CAAP1: variants seen among roughly 807,000 people sequenced by gnomAD.
The protein encoded by CAAP1 is caspase activity and apoptosis inhibitor 1.
A neutral mutation model predicts 34.0 loss-of-function variants in CAAP1; 20 were observed. The ratio of observed to expected loss-of-function variants is 0.59; its 90% CI spans 0.41 to 0.86. The LOEUF is 0.86. CAAP1 is among the 40% of genes least tolerant of loss of function. The pLI is 0.00. For synonymous variants in CAAP1, 213 were observed against 166.7 expected (o/e 1.28, Z -2.14); for missense variants, 538 against 450.5 (o/e 1.19, Z -1.76).
Position 26,842,049 on chromosome 9 carries a change from A to C in CAAP1, c.*252T>G, listed in dbSNP as rs898823238. On this transcript the variant is annotated 3_prime_UTR_variant, in exon 6 of 6. Transcript: ENST00000333916. ...TTTTAAGATTTGCAGACACAGCTAA[A>C]TACTCATCTAACAAAGTATCCAGGC... is the stretch of plus-strand genomic sequence containing the variant. The C allele has an allele frequency of 3.0e-6, 1 of 335,898 alleles. No homozygotes were observed. Among genetic ancestry groups the C allele is most frequent in the Non-Finnish European group, 5.4e-6 (1 of 186,212 alleles). 20.8% of individuals were successfully genotyped at this position (335,898 alleles called of 1,614,324 possible). A position where few individuals can be genotyped will look rare whatever the true frequency, so the allele number is the denominator to read the frequency against.
rs181690512 is a variant in CAAP1 at position 26,851,998 on chromosome 9, A to G, written c.739+9068T>C. On this transcript the variant is annotated intron_variant, in intron 5 of 5. Transcript: ENST00000333916. ...GTTTAAATATAAATATAAGCTCAGA[A>G]AGAGATACTAGAGACTTGATTCTAA... Among the ~76,000 whole-genome samples, 3 of 152,276 alleles carry G rather than the reference A, an allele frequency of 2.0e-5. No homozygotes were observed. The East Asian group carries it at 5.8e-4, about 29-fold the overall frequency.
In CAAP1 at chr9:26,884,899, G is replaced by A. The variant is rs369337140; in HGVS notation, c.590-14C>T. ...TTCCATTGTCACCTTATAAATGAAA[G>A]AAACTATTGAAAGCACACTTATAAA... On this transcript the variant is annotated splice_polypyrimidine_tract_variant and intron_variant, in intron 3 of 5. Coordinates refer to ENST00000333916, the MANE Select transcript of CAAP1 (RefSeq NM_024828.4). 159 of 1,548,140 alleles carry A rather than the reference G, an allele frequency of 1.0e-4. No homozygotes were observed. Among genetic ancestry groups the A allele is most frequent in the Non-Finnish European group, 1.3e-4 (150 of 1,128,794 alleles).
At chr9:26,881,341 T>G (rs1007684438) in intron 4 of CAAP1, among the ~76,000 whole-genome samples, 5 of 152,244 alleles carry the variant, frequency 3.3e-5, no homozygotes, top group African/African-American at 1.2e-4. Context: ...ATACTTTTGC[T>G]GTGTCCCCAC....
At chr9:26,858,907 A>C (rs1381338216) in intron 5 of CAAP1, among the ~76,000 whole-genome samples, 2 of 136,834 alleles carry the variant, frequency 1.5e-5, no homozygotes, top group Admixed American at 1.5e-4. Context: ...CTGAGGCAGG[A>C]GAATGGTGTG....
chr9:26,840,987 G>GA lies in CAAP1; in HGVS notation c.*1313dup, dbSNP rs529212978. On this transcript the variant is annotated 3_prime_UTR_variant, in exon 6 of 6. Transcript: ENST00000333916. ...TTTATTAGAAAGATTTATGGAGGGGGAAAAAATGGTAGAATTATTCCAAGG... is the reference window on the plus strand; with the variant it reads ...TTTATTAGAAAGATTTATGGAGGGGGAAAAAAATGGTAGAATTATTCCAAGG... 6.6e-6 allele frequency: 1 copy of GA among 151,982 alleles called. No individual in the cohort carries two copies. The highest frequency in any genetic ancestry group is 2.4e-5 in the African/African-American group (1 of 41,408). The allele number at this position is 151,982 out of a possible 1,614,324, so 9.4% of individuals were successfully genotyped here.
chr9:26,887,288 TC>T (rs778323998), intron 2 of CAAP1, 24 bp downstream of exon 2: 2 of 1,422,538 alleles, frequency 1.4e-6, no homozygotes, highest in Admixed American at 4.9e-5. Context: ...TACATATGTA[TC>T]TAGTCTGATG....
At chr9:26,892,390 C>T (rs1394121552) in intron 1 of CAAP1, 23 bp downstream of exon 1, 4 of 1,602,730 alleles carry the variant, frequency 2.5e-6, no homozygotes, top group Non-Finnish European at 3.4e-6. Context: ...CTCCAGGAAG[C>T]GGCCAGAGGG....
chr9:26,870,832 G>A (rs1482943097), intron 4 of CAAP1, among the ~76,000 whole-genome samples: 1 of 151,878 alleles, frequency 6.6e-6, no homozygotes, highest in Non-Finnish European at 1.5e-5. Flanking sequence ...AGCTGGGGTG[G>A]TCTCAAACTC....
chr9:26,871,792 G>A (rs752014074), intron 4 of CAAP1, among the ~76,000 whole-genome samples: 2 of 150,572 alleles, frequency 1.3e-5, no homozygotes, highest in Non-Finnish European at 3.0e-5. Context: ...GCAGGGCGGC[G>A]GGTGCCAACT....
intron 4 of CAAP1, among the ~76,000 whole-genome samples, chr9:26,869,105 A>T (rs1823210995): frequency 6.6e-6 from 1 of 152,132 alleles, no homozygotes. Context: ...AACTATAATA[A>T]TTGTTAGATC....
chr9:26,884,685 TC>T lies in CAAP1; in HGVS notation c.665+124del, dbSNP rs940187406. 337 of 750,246 alleles carry T rather than the reference TC, an allele frequency of 4.5e-4. 6 individuals are homozygous for T. In the African/African-American group the frequency reaches 5.5e-3, roughly 12 times the overall value. 46.5% of individuals were successfully genotyped at this position (750,246 alleles called of 1,614,324 possible). On this transcript the variant is annotated intron_variant, in intron 4 of 5. Transcript: ENST00000333916. ...CAATCATTACAAGTAGACAAATAAA[TC>T]TTTCTATACCACTGAATGATTTTAT...
At chr9:26,886,209 A>C (rs775851401) in intron 2 of CAAP1, 21 bp from the exon 3 acceptor site, 16 of 1,300,624 alleles carry the variant, frequency 1.2e-5, no homozygotes, top group Admixed American at 2.7e-5. Context: ...TGACATTTTA[A>C]AAAAATGCAT....
chr9:26,869,362 C>T (rs1474695538), intron 4 of CAAP1, among the ~76,000 whole-genome samples: 1 of 151,984 alleles, frequency 6.6e-6, no homozygotes, highest in Non-Finnish European at 1.5e-5. Context: ...AAATTAAAAA[C>T]ACATCTTTAA....
intron 4 of CAAP1, among the ~76,000 whole-genome samples, chr9:26,883,731 T>A (rs1267814325): frequency 6.6e-6 from 1 of 152,126 alleles, no homozygotes; most frequent in Admixed American, 6.5e-5. Flanking sequence ...AGAAATTTTT[T>A]AAAAAAGAAA....
At chr9:26,849,069 T>C (rs999682988) in intron 5 of CAAP1, among the ~76,000 whole-genome samples, 40 of 152,276 alleles carry the variant, frequency 2.6e-4, no homozygotes, top group African/African-American at 8.7e-4. Flanking sequence ...ATGAATCAAG[T>C]CGGTAGGACT....
chr9:26,847,278 G>A lies in CAAP1; in HGVS notation c.740-4631C>T, dbSNP rs1416180144. ...CACCCAGGCTGGAGTGCAGTGGCGC[G>A]ATCTCGGCTCACTGCAAGCTCCACC... is the stretch of plus-strand genomic sequence containing the variant. On this transcript the variant is annotated intron_variant, in intron 5 of 5. Coordinates refer to ENST00000333916, the MANE Select transcript of CAAP1 (RefSeq NM_024828.4). 2.4e-5 allele frequency among the ~76,000 whole-genome samples: 3 copies of A among 125,366 alleles called. No homozygotes were observed. In the East Asian group the frequency reaches 8.0e-4, roughly 33 times the overall value. The allele number at this position is 125,366 out of a possible 152,430, so 82.2% of individuals were successfully genotyped here.
At chr9:26,864,251 T>C (rs12351014) in intron 4 of CAAP1, among the ~76,000 whole-genome samples, 6,517 of 152,240 alleles carry the variant, frequency 0.043, 475 homozygotes, top group African/African-American at 0.15. Flanking sequence ...TCCTTTCTTA[T>C]AGTTCAATGA....
rs960077864 is a variant in CAAP1, at chr9:26,880,104, G to T, written c.665+4706C>A. On this transcript the variant is annotated intron_variant, in intron 4 of 5. Coordinates refer to ENST00000333916, the MANE Select transcript of CAAP1 (RefSeq NM_024828.4). ...AATAGGAAAAAAATCCGGGGGGGGG[G>T]GGTCTCTTTTAGAGAATGTAATGTT... 4.0e-4 allele frequency: 69 copies of T among 174,392 alleles called. 4 individuals carry two copies. In the Middle Eastern group the frequency reaches 7.8e-3, roughly 20 times the overall value. 10.8% of individuals were successfully genotyped at this position (174,392 alleles called of 1,614,324 possible). A position where few individuals can be genotyped will look rare whatever the true frequency, so the allele number is the denominator to read the frequency against.
Position 26,887,505 on chromosome 9 carries a change from T to C in CAAP1, c.312A>G (p.Lys104=). Residue 104 remains lysine, a synonymous_variant, in exon 2 of 6, where the codon AAA becomes AAG. Transcript: ENST00000333916. The stretch of plus-strand genomic sequence containing the variant: ...CTTTTTCCAAAGTTGGCAAAATATA[T>C]TTAGTTTCCTAAAGTTAAAAGAATA... ...SVSGSLQQET[K]YILPTLEKEL... is the part of the protein sequence containing the mutation. 1 of 1,590,014 alleles carries C rather than the reference T, an allele frequency of 6.3e-7. No individual in the cohort carries two copies. Among genetic ancestry groups the C allele is most frequent in the Non-Finnish European group, 8.6e-7 (1 of 1,168,464 alleles).
Sources: gnomAD v4.1 joint callset for allele counts (sites outside exome capture counted in the v4.1 genomes callset) on GRCh38, gnomAD v4.1.1 for gene constraint, MANE v1.5 for transcripts, NCBI Gene and HGNC (gene_info 2026-07-23, HGNC 2026-07-21) for gene names.